The following WBP2 variants were observed in gnomAD, a reference collection of about 807,000 sequenced individuals.
WBP2 encodes the protein WW domain-binding protein 2.
A neutral mutation model predicts 33.0 loss-of-function variants in WBP2; 23 were observed. That is an observed-to-expected ratio of 0.70 (90% CI 0.50 to 0.99). The LOEUF (loss-of-function observed/expected upper bound fraction) is 0.99, where lower values mean the gene tolerates loss of function less well. WBP2 is among the 50% of genes least tolerant of loss of function. The pLI is 0.00. For synonymous variants in WBP2, 153 were observed against 133.5 expected (o/e 1.15, Z -1.01); for missense variants, 353 against 358.0 (o/e 0.99, Z 0.11).
intron 1 of WBP2, among the ~76,000 whole-genome samples, chr17:75,854,511 G>A (rs1340116148): frequency 6.6e-6 from 1 of 152,186 alleles, no homozygotes; most frequent in Non-Finnish European, 1.5e-5. Flanking sequence ...TGCCTTCCGA[G>A]GTGACCCAAA....
At chr17:75,849,883 G>A in intron 2 of WBP2, 144 bp from the exon 3 acceptor site, 2 of 1,197,530 alleles carry the variant, frequency 1.7e-6, no homozygotes, top group South Asian at 1.5e-5. Context: ...AGACACTCCT[G>A]GAGAGAGCTT....
Position 75,847,503 on chromosome 17 carries a change from G to A in WBP2, c.639C>T (p.Val213=), listed in dbSNP as rs1331591900. Reference sequence around the variant, plus strand: ...GGCCCTCACCTGCAGGAGTGGAGGGGACATCGGGGCCGCTGACCGGAGGTT... The same window carrying A: ...GGCCCTCACCTGCAGGAGTGGAGGGAACATCGGGGCCGCTGACCGGAGGTT... ...PMEPPVSGPD[V]PSTPAAEAKA... Residue 213 remains valine (V), a synonymous_variant, in exon 6 of 8, where the codon GTC becomes GTT. Coordinates refer to ENST00000254806, the MANE Select transcript of WBP2 (RefSeq NM_012478.4). 1.9e-6 allele frequency: 3 copies of A among 1,592,092 alleles called. No individual in the cohort carries two copies. Among genetic ancestry groups the A allele is most frequent in the East Asian group, 2.2e-5 (1 of 44,690 alleles).
At position 75,848,614 on chromosome 17, in the gene WBP2, C is replaced by A; in HGVS notation, c.353G>T (p.Gly118Val). 1 of 1,614,032 alleles carries A rather than the reference C, an allele frequency of 6.2e-7. No individual in the cohort carries two copies. The highest frequency in any genetic ancestry group is 8.5e-7 in the Non-Finnish European group (1 of 1,179,942). The change falls in exon 4 of 8, where the codon GGC becomes GTC. Residue 118 changes from glycine to valine, a missense_variant. Physicochemically the swap from Gly to Val is moderately radical, Grantham distance 109 (BLOSUM62 -3). Transcript: ENST00000254806. ...ASYKLTFTAG[G>V]AIEFGQRMLQ... ...CATCCGCTGTCCGAACTCAATGGCGCCCCCTGCCGTGAAAGTCAACTTGTA... is the reference window on the plus strand; with the variant it reads ...CATCCGCTGTCCGAACTCAATGGCGACCCCTGCCGTGAAAGTCAACTTGTA...
In WBP2 at chr17:75,846,602, T is replaced by C. The variant is rs760348887; in HGVS notation, c.*132A>G. 13 of 1,167,936 alleles carry C rather than the reference T, an allele frequency of 1.1e-5. No homozygotes were observed. The highest frequency in any genetic ancestry group is 3.1e-5 in the African/African-American group (2 of 64,746). 72.3% of individuals were successfully genotyped at this position (1,167,936 alleles called of 1,614,324 possible). ...GGGCCCTAATGTCCCACAATGCTAGTTCCTGGTAATTGTTTATGATCAGAC... is the reference window on the plus strand; with the variant it reads ...GGGCCCTAATGTCCCACAATGCTAGCTCCTGGTAATTGTTTATGATCAGAC... On this transcript the variant is annotated 3_prime_UTR_variant, in exon 8 of 8. Transcript: ENST00000254806. This position sits in a 1 kb window ranked among gnomAD's most constrained non-coding sequence, Gnocchi z 4.8.
intron 1 of WBP2, among the ~76,000 whole-genome samples, chr17:75,853,637 G>A (rs781434853): frequency 6.6e-6 from 1 of 152,132 alleles, no homozygotes; most frequent in Non-Finnish European, 1.5e-5. Context: ...ACAGTGTGAG[G>A]TGTCTCTGAT....
At chr17:75,855,594 G>A, upstream of WBP2, 1 of 422,940 alleles carries the variant, frequency 2.4e-6, no homozygotes, top group Non-Finnish European at 4.4e-6. Context: ...CTGGATCATA[G>A]GCCTGAATTG....
upstream of WBP2, among the ~76,000 whole-genome samples, chr17:75,855,649 C>G (rs1270618516): frequency 1.3e-5 from 2 of 152,254 alleles, no homozygotes; most frequent in East Asian, 1.9e-4. Flanking sequence ...ATCCCCACCC[C>G]GCCTCTTCAG....
chr17:75,847,734 CT>C, intron 5 of WBP2, 61 bp downstream of exon 5: 1 of 1,536,520 alleles, frequency 6.5e-7, no homozygotes, highest in Non-Finnish European at 8.8e-7. Flanking sequence ...TCTCCCTGGC[CT>C]GGGGGGAGCC....
chr17:75,853,747 T>C (rs192193134), intron 1 of WBP2, among the ~76,000 whole-genome samples: 1 of 152,124 alleles, frequency 6.6e-6, no homozygotes, highest in East Asian at 1.9e-4. Context: ...AAACAACTGG[T>C]ATAAGCAAAG....
upstream of WBP2, chr17:75,855,342 G>T (rs1025198678): frequency 1.9e-6 from 3 of 1,605,426 alleles, no homozygotes; most frequent in African/African-American, 1.3e-5. Flanking sequence ...CAATGAGCTT[G>T]CGCCCCTCTT....
intron 2 of WBP2, 96 bp from the exon 3 acceptor site, chr17:75,849,835 G>C: frequency 6.6e-7 from 1 of 1,513,184 alleles, no homozygotes; most frequent in Non-Finnish European, 8.9e-7. Flanking sequence ...TCCTCTCCCA[G>C]TGCCAGGGTC....
intron 6 of WBP2, 71 bp from the exon 7 acceptor site, chr17:75,847,055 GC>G (rs1297109108): frequency 1.3e-6 from 2 of 1,573,072 alleles, no homozygotes; most frequent in East Asian, 2.3e-5. Flanking sequence ...GAGACCCCGG[GC>G]CCCCATGGCT....
At chr17:75,854,252 A>C (rs2065044812) in intron 1 of WBP2, among the ~76,000 whole-genome samples, 1 of 152,102 alleles carries the variant, frequency 6.6e-6, no homozygotes, top group South Asian at 2.1e-4. Flanking sequence ...AGCTGGGTAC[A>C]GGGCTCTGAC....
intron 1 of WBP2, among the ~76,000 whole-genome samples, chr17:75,853,943 G>T (rs895578472): frequency 1.3e-5 from 2 of 151,022 alleles, no homozygotes; most frequent in Non-Finnish European, 3.0e-5. Flanking sequence ...TACTGGGGAG[G>T]CTGAGGCAGG....
Position 75,851,561 on chromosome 17 carries a change from A to C in WBP2, c.168+7T>G. 5 of 1,608,692 alleles carry C rather than the reference A, an allele frequency of 3.1e-6. No homozygotes were observed. The highest frequency in any genetic ancestry group is 3.4e-6 in the Non-Finnish European group (4 of 1,175,350). On this transcript the variant is annotated splice_region_variant and intron_variant, in intron 2 of 7. Transcript: ENST00000254806. ...CTCTCAACCAACTGCCCTGCTGTGC[A>C]ACTCACCCGGTAAGGGGTAAGGTAG...
In WBP2 at chr17:75,855,317, C is replaced by A. The variant is rs556902761; in HGVS notation, c.-20G>T. Reference sequence around the variant, plus strand: ...CGCCATAGTCTCTCCAACAGGGGTCCCGAGACTCAAAACGCAATGAGCTTG... The same window carrying A: ...CGCCATAGTCTCTCCAACAGGGGTCACGAGACTCAAAACGCAATGAGCTTG... On this transcript the variant is annotated 5_prime_UTR_variant, in exon 1 of 8. Transcript: ENST00000254806. 1.9e-6 allele frequency: 3 copies of A among 1,611,390 alleles called. No individual in the cohort carries two copies. The South Asian group carries it at 3.3e-5, about 18-fold the overall frequency.
upstream of WBP2, among the ~76,000 whole-genome samples, chr17:75,856,004 A>C (rs1210219534): frequency 2.6e-5 from 4 of 152,040 alleles, no homozygotes; most frequent in Non-Finnish European, 2.9e-5. Context: ...CCTGGCTCCC[A>C]CCACGTTCGC....
At chr17:75,855,078 C>A in intron 1 of WBP2, 161 bp downstream of exon 1, 2 of 334,026 alleles carry the variant, frequency 6.0e-6, no homozygotes, top group Non-Finnish European at 5.6e-6. Flanking sequence ...TCCCCCACGG[C>A]CCACCCACCT....
chr17:75,856,431 T>C (rs1245805572), upstream of WBP2: 2 of 152,016 alleles, frequency 1.3e-5, no homozygotes, highest in Non-Finnish European at 2.9e-5. Flanking sequence ...TCCAGGGAGG[T>C]CTCCTATGTG....
Sources: allele counts gnomAD v4.1 joint callset (sites outside exome capture counted in the v4.1 genomes callset), GRCh38; gene constraint gnomAD v4.1.1; non-coding constraint Gnocchi (gnomAD v3.1); transcripts MANE v1.5; gene names NCBI Gene and HGNC (gene_info 2026-07-23, HGNC 2026-07-21).